SEZ6L: variants seen among roughly 807,000 people sequenced by gnomAD.
SEZ6L encodes the protein seizure 6-like protein.
SEZ6L carries 37 observed loss-of-function variants against 106.2 expected under a neutral mutation model. The ratio of observed to expected loss-of-function variants is 0.35; its 90% CI spans 0.27 to 0.46. The LOEUF (loss-of-function observed/expected upper bound fraction) is 0.46. Among genes scored for constraint, SEZ6L ranks in the 20% least tolerant of loss-of-function variants. The pLI is 1.00. For missense variants in SEZ6L, 1,172 were observed against 1,332.8 expected (o/e 0.88, Z 1.88); for synonymous variants, 541 against 570.4 (o/e 0.95, Z 0.73).
chr22:26,190,650 C>T (rs959377689), intron 1 of SEZ6L, among the ~76,000 whole-genome samples: 16 of 152,226 alleles, frequency 1.1e-4, no homozygotes, highest in African/African-American at 3.9e-4. Flanking sequence ...TTGAACAAGT[C>T]GCTGAGGCTG....
chr22:26,230,313 T>C (rs2078760753), intron 1 of SEZ6L, among the ~76,000 whole-genome samples: 1 of 134,476 alleles, frequency 7.4e-6, no homozygotes, highest in South Asian at 2.5e-4. Flanking sequence ...TCCTTAACCA[T>C]AAAGGTAAAA....
At position 26,383,182 on chromosome 22, in the gene SEZ6L, G is replaced by T. The variant is rs1196807231; in HGVS notation, c.*2887G>T. On this transcript the variant is annotated 3_prime_UTR_variant, in exon 17 of 17. Coordinates refer to ENST00000248933, the MANE Select transcript of SEZ6L (RefSeq NM_021115.5). ...TGTGCTTTAACTATGATCCTTTGAAGCTCACCCCTTGGAGAGCCTACAGAA... is the reference window on the plus strand; with the variant it reads ...TGTGCTTTAACTATGATCCTTTGAATCTCACCCCTTGGAGAGCCTACAGAA... 6.7e-6 allele frequency: 1 copy of T among 150,196 alleles called. No individual in the cohort carries two copies. The highest frequency in any genetic ancestry group is 1.5e-5 in the Non-Finnish European group (1 of 67,850). 9.3% of individuals were successfully genotyped at this position (150,196 alleles called of 1,614,324 possible).
chr22:26,209,883 A>AGAAGGGAGAGAGGAAGGAAGGAAG (rs1451450038), intron 1 of SEZ6L, among the ~76,000 whole-genome samples: 4,264 of 146,156 alleles, frequency 0.029, 103 homozygotes, highest in Middle Eastern at 0.054. Flanking sequence ...AAGGAAGGAA[A>AGAAGGGAGAGAGGAAGGAAGGAAG]GAAGGGAGAG....
At chr22:26,341,223 A>G (rs1261637794) in intron 10 of SEZ6L, among the ~76,000 whole-genome samples, 1 of 151,922 alleles carries the variant, frequency 6.6e-6, no homozygotes, top group African/African-American at 2.4e-5. Flanking sequence ...CTCATCCTCA[A>G]TGTGGCCTCC....
chr22:26,369,341 C>CTTTTTTTTTTTTT lies in SEZ6L; in HGVS notation c.2794+3779_2794+3780insTTTTTTTTTTTTT, dbSNP rs199641007. ...ATGACAATGACTTATATAAGCAGTT[C>CTTTTTTTTTTTTT]TTTTGTTTTTTTTTTTGAGACAGAT... On this transcript the variant is annotated intron_variant, in intron 13 of 16. Transcript: ENST00000248933. Among the ~76,000 whole-genome samples the CTTTTTTTTTTTTT allele has an allele frequency of 3.3e-3, 341 of 103,496 alleles. 56 individuals are homozygous for CTTTTTTTTTTTTT. The highest frequency in any genetic ancestry group is 8.5e-3 in the African/African-American group (175 of 20,600). The allele number at this position is 103,496 out of a possible 152,430, so 67.9% of individuals were successfully genotyped here. A position where few individuals can be genotyped will look rare whatever the true frequency, so the allele number is the denominator to read the frequency against.
intron 11 of SEZ6L, 30 bp from the exon 12 acceptor site, chr22:26,351,022 G>A (rs778656934): frequency 1.9e-6 from 3 of 1,588,312 alleles, no homozygotes; most frequent in South Asian, 2.3e-5. Flanking sequence ...GAGGTCTGAC[G>A]TCCTCTTGGT....
intron 13 of SEZ6L, among the ~76,000 whole-genome samples, chr22:26,366,719 CA>C (rs2083826034): frequency 6.6e-6 from 1 of 151,960 alleles, no homozygotes; most frequent in South Asian, 2.1e-4. Context: ...AACAAACAAA[CA>C]AACAAACAAA....
chr22:26,319,365 G>T lies in SEZ6L; in HGVS notation c.2015+5463G>T, dbSNP rs538150448. ...TGATCCTGTTACAACCGAAGTCATAGCACCCATGCTCTGCTCAAAGTTCTG... is the reference window on the plus strand; with the variant it reads ...TGATCCTGTTACAACCGAAGTCATATCACCCATGCTCTGCTCAAAGTTCTG... On this transcript the variant is annotated intron_variant, in intron 9 of 16. Coordinates refer to ENST00000248933, the MANE Select transcript of SEZ6L (RefSeq NM_021115.5). Among the ~76,000 whole-genome samples the T allele has an allele frequency of 2.3e-3, 349 of 151,544 alleles. 4 individuals are homozygous for T. Among genetic ancestry groups the T allele is most frequent in the African/African-American group, 8.0e-3 (332 of 41,534 alleles).
chr22:26,361,256 G>C lies in SEZ6L; in HGVS notation c.2600-4116G>C, dbSNP rs192018454. ...CTCATGCCTGTAATCCCAGCACTTT[G>C]GGAGGCTGAGGCGGATGGATCACTT... On this transcript the variant is annotated intron_variant, in intron 12 of 16. Transcript: ENST00000248933. Among the ~76,000 whole-genome samples, 773 of 151,896 alleles carry C rather than the reference G, an allele frequency of 5.1e-3. 6 individuals are homozygous for C. Among genetic ancestry groups the C allele is most frequent in the African/African-American group, 0.017 (723 of 41,448 alleles).
intron 1 of SEZ6L, among the ~76,000 whole-genome samples, chr22:26,226,835 T>G (rs1306333660): frequency 6.6e-6 from 1 of 152,178 alleles, no homozygotes; most frequent in African/African-American, 2.4e-5. Context: ...ATGCCCTTTT[T>G]CCTTTTGCCC....
chr22:26,194,660 A>G (rs1940465506), intron 1 of SEZ6L, among the ~76,000 whole-genome samples: 1 of 152,212 alleles, frequency 6.6e-6, no homozygotes, highest in Non-Finnish European at 1.5e-5. Flanking sequence ...AGTGTAGGAA[A>G]TAGAACACAA....
Position 26,175,262 on chromosome 22 carries a change from T to C in SEZ6L, c.94+5499T>C, listed in dbSNP as rs138483783. Among the ~76,000 whole-genome samples the C allele has an allele frequency of 2.2e-3, 330 of 152,308 alleles. 1 individual carries two copies. The highest frequency in any genetic ancestry group is 7.5e-3 in the African/African-American group (310 of 41,560). Reference sequence around the variant, plus strand: ...GTCATAAGGTAAAACAGGTTACAATTTTATTTATAGGCAACTAATTCACAA... The same window carrying C: ...GTCATAAGGTAAAACAGGTTACAATCTTATTTATAGGCAACTAATTCACAA... On this transcript the variant is annotated intron_variant, in intron 1 of 16. Coordinates refer to ENST00000248933, the MANE Select transcript of SEZ6L (RefSeq NM_021115.5).
At chr22:26,348,054 A>C (rs1337219362) in intron 11 of SEZ6L, 141 bp downstream of exon 11, 1 of 653,864 alleles carries the variant, frequency 1.5e-6, no homozygotes, top group African/African-American at 1.9e-5. Flanking sequence ...CATTGCTCAC[A>C]AATGTCATTT....
At chr22:26,272,017 G>T (rs1447604419) in intron 1 of SEZ6L, among the ~76,000 whole-genome samples, 1 of 152,218 alleles carries the variant, frequency 6.6e-6, no homozygotes, top group Non-Finnish European at 1.5e-5. Context: ...AACTACCACT[G>T]CATGCAGCAA....
At chr22:26,222,986 C>CA (rs11344783) in intron 1 of SEZ6L, among the ~76,000 whole-genome samples, 86 of 147,062 alleles carry the variant, frequency 5.8e-4, no homozygotes, top group Middle Eastern at 6.9e-3. Flanking sequence ...CAGCCTCCCA[C>CA]AAAAAAAAAA....
chr22:26,313,442 G>T (rs2145926950), intron 8 of SEZ6L, among the ~76,000 whole-genome samples: 1 of 152,272 alleles, frequency 6.6e-6, no homozygotes, highest in South Asian at 2.1e-4. Flanking sequence ...AAAGAGCAGA[G>T]GCTGTTGAGG....
At chr22:26,243,718 G>C (rs1156892650) in intron 1 of SEZ6L, among the ~76,000 whole-genome samples, 2 of 152,220 alleles carry the variant, frequency 1.3e-5, no homozygotes, top group Non-Finnish European at 2.9e-5. Context: ...AAAAGGACAA[G>C]GATGAGAGTA....
intron 1 of SEZ6L, among the ~76,000 whole-genome samples, chr22:26,239,276 G>A (rs568744179): frequency 9.9e-5 from 15 of 152,276 alleles, no homozygotes; most frequent in Admixed American, 5.9e-4. Flanking sequence ...GGAGTGGAGA[G>A]GGCTGTGGCT....
At position 26,351,082 on chromosome 22, in the gene SEZ6L, A is replaced by T; in HGVS notation, c.2438A>T (p.Asp813Val). ...IMYCTDPGEV[D>V]HSTRLISDPV... is the part of the protein sequence containing the mutation. ...TACTGCACCGACCCCGGAGAGGTGGATCACTCGACCCGCTTAATTTCGGAT... is the reference window on the plus strand; with the variant it reads ...TACTGCACCGACCCCGGAGAGGTGGTTCACTCGACCCGCTTAATTTCGGAT... The change falls in exon 12 of 17, where the codon GAT becomes GTT. Residue 813 changes from aspartate to valine, a missense_variant. Coordinates refer to ENST00000248933, the MANE Select transcript of SEZ6L (RefSeq NM_021115.5). 1 of 1,614,142 alleles carries T rather than the reference A, an allele frequency of 6.2e-7. No individual in the cohort carries two copies. The highest frequency in any genetic ancestry group is 8.5e-7 in the Non-Finnish European group (1 of 1,180,028).
Sources: allele counts gnomAD v4.1 joint callset (sites outside exome capture counted in the v4.1 genomes callset), GRCh38; gene constraint gnomAD v4.1.1; transcripts MANE v1.5; gene names NCBI Gene and HGNC (gene_info 2026-07-23, HGNC 2026-07-21).